Variants in VLDLR observed in about 807,000 individuals in gnomAD.
VLDLR encodes the protein very low-density lipoprotein receptor.
Under a neutral mutation model 112.7 loss-of-function variants are expected in VLDLR, and 81 were observed. The observed-to-expected ratio is 0.72, with a 90% CI of 0.60 to 0.86. The LOEUF is 0.86. Among genes scored for constraint, VLDLR ranks in the 40% least tolerant of loss-of-function variants. The pLI is 0.00. For synonymous variants in VLDLR, 436 were observed against 384.8 expected (o/e 1.13, Z -1.56); for missense variants, 1,237 against 1,099.4 (o/e 1.13, Z -1.77).
Position 2,622,090 on chromosome 9 carries a change from C to T in VLDLR, c.-100C>T. On this transcript the variant is annotated 5_prime_UTR_variant, in exon 1 of 19. Coordinates refer to ENST00000382100, the MANE Select transcript of VLDLR (RefSeq NM_003383.5). ...CCCTCCTTCTCCCCCTTTCCCCTCC[C>T]CGCCCCCACCTTCTTCCTCCTTTCG... 8.1e-7 allele frequency: 1 copy of T among 1,235,404 alleles called. No individual in the cohort carries two copies. Among genetic ancestry groups the T allele is most frequent in the Non-Finnish European group, 1.1e-6 (1 of 921,378 alleles). 76.5% of individuals were successfully genotyped at this position (1,235,404 alleles called of 1,614,324 possible).
Position 2,653,868 on chromosome 9 carries a change from ACTTCTGTG to A in VLDLR, c.*1_*8del. 1 of 1,613,864 alleles carries A rather than the reference ACTTCTGTG, an allele frequency of 6.2e-7. No homozygotes were observed. The highest frequency in any genetic ancestry group is 1.1e-5 in the South Asian group (1 of 91,064). ...TAAGCACAGATGATGATCTAGCTTG[ACTTCTGTG>A]ACAAATGTTGACCTTTGAGGTCTAA... On this transcript the variant is annotated 3_prime_UTR_variant, in exon 19 of 19. Coordinates refer to ENST00000382100, the MANE Select transcript of VLDLR (RefSeq NM_003383.5).
At chr9:2,631,027 A>G (rs909810455) in intron 1 of VLDLR, among the ~76,000 whole-genome samples, 12 of 152,248 alleles carry the variant, frequency 7.9e-5, no homozygotes, top group Admixed American at 7.2e-4. Context: ...ATTTCTCAAA[A>G]GAGGACATAA....
At chr9:2,642,108 C>A (rs1163232352) in intron 4 of VLDLR, among the ~76,000 whole-genome samples, 3 of 152,162 alleles carry the variant, frequency 2.0e-5, no homozygotes, top group South Asian at 4.1e-4. Flanking sequence ...CCTATTCTTT[C>A]ATGTTTCTGG....
At position 2,638,928 on chromosome 9, in the gene VLDLR, G is replaced by A. The variant is rs73640149; in HGVS notation, c.203-931G>A. ...AAATCTTCTCTCCCTTGAATTCTAA[G>A]TACAACATCTCTTGTTACACTGATT... On this transcript the variant is annotated intron_variant, in intron 2 of 18. Transcript: ENST00000382100. 7.3e-3 allele frequency among the ~76,000 whole-genome samples: 1,112 copies of A among 152,292 alleles called. 19 individuals are homozygous for A. The highest frequency in any genetic ancestry group is 0.025 in the African/African-American group (1,028 of 41,558).
chr9:2,641,886 G>C (rs943423629), intron 4 of VLDLR, among the ~76,000 whole-genome samples: 5 of 150,970 alleles, frequency 3.3e-5, no homozygotes, highest in Admixed American at 2.0e-4. Context: ...GTCTAAATTT[G>C]ATTGGGTTAT....
intron 1 of VLDLR, 95 bp downstream of exon 1, chr9:2,622,366 T>A (rs960218998): frequency 8.7e-7 from 1 of 1,143,984 alleles, no homozygotes; most frequent in African/African-American, 1.6e-5. Context: ...ACCCGCCTCC[T>A]AGGAGGCGCC....
intron 1 of VLDLR, among the ~76,000 whole-genome samples, chr9:2,622,586 T>A (rs1816864318): frequency 6.6e-6 from 1 of 152,208 alleles, no homozygotes; most frequent in South Asian, 2.1e-4. Context: ...CCGAGGTGCG[T>A]GGGCTTCTGA....
At chr9:2,653,053 A>T in intron 18 of VLDLR, 104 bp downstream of exon 18, 1 of 1,433,938 alleles carries the variant, frequency 7.0e-7, no homozygotes, top group Non-Finnish European at 9.8e-7. Context: ...GGAGTTACCA[A>T]ACACTTCATC....
chr9:2,623,865 T>G (rs899796926), intron 1 of VLDLR, among the ~76,000 whole-genome samples: 3 of 152,172 alleles, frequency 2.0e-5, no homozygotes, highest in Non-Finnish European at 4.4e-5. Context: ...AAGCTCTGCT[T>G]ACAAGAGTTT....
In VLDLR at chr9:2,622,203, C is replaced by T. The variant is rs993549113; in HGVS notation, c.14C>T (p.Ala5Val). The change falls in exon 1 of 19, where the codon GCG becomes GTG. Residue 5 changes from alanine (A) to valine (V), a missense_variant. By Grantham distance (64) the Ala-to-Val change is moderately conservative. Coordinates refer to ENST00000382100, the MANE Select transcript of VLDLR (RefSeq NM_003383.5). Reference protein sequence around the residue: MGTSALWALWLLLAL... With the variant: MGTSVLWALWLLLAL... ...CAGGCGGGCACCATGGGCACGTCCGCGCTCTGGGCGCTCTGGCTGCTGCTC... is the reference window on the plus strand; with the variant it reads ...CAGGCGGGCACCATGGGCACGTCCGTGCTCTGGGCGCTCTGGCTGCTGCTC... 6.5e-5 allele frequency: 97 copies of T among 1,499,138 alleles called. No homozygotes were observed. Among genetic ancestry groups the T allele is most frequent in the Non-Finnish European group, 8.4e-5 (95 of 1,130,944 alleles). 92.9% of individuals were successfully genotyped at this position (1,499,138 alleles called of 1,614,324 possible).
intron 1 of VLDLR, among the ~76,000 whole-genome samples, chr9:2,623,223 G>A (rs1816917365): frequency 6.6e-6 from 1 of 152,124 alleles, no homozygotes; most frequent in Non-Finnish European, 1.5e-5. Flanking sequence ...CTCTGCCGCG[G>A]GGGCCTGGGG....
At chr9:2,641,968 GA>G (rs57594382) in intron 4 of VLDLR, among the ~76,000 whole-genome samples, 3,742 of 106,460 alleles carry the variant, frequency 0.035, 107 homozygotes, top group African/African-American at 0.091. Context: ...AACTTTCCCA[GA>G]AAAAAAAAAA....
chr9:2,635,875 C>A (rs1448317350), intron 2 of VLDLR, among the ~76,000 whole-genome samples: 1 of 152,110 alleles, frequency 6.6e-6, no homozygotes, highest in Non-Finnish European at 1.5e-5. Context: ...CAGAAGATTG[C>A]TTAGAAGGGG....
intron 2 of VLDLR, among the ~76,000 whole-genome samples, chr9:2,637,559 C>T (rs375946380): frequency 4.7e-4 from 72 of 152,302 alleles, no homozygotes; most frequent in African/African-American, 1.6e-3. Context: ...GAGAACCATA[C>T]GGCAATTTGT....
intron 1 of VLDLR, among the ~76,000 whole-genome samples, chr9:2,624,763 T>A (rs893548277): frequency 2.6e-5 from 4 of 152,152 alleles, no homozygotes; most frequent in African/African-American, 9.7e-5. Context: ...CCAATGAAGG[T>A]ATGACGATGA....
intron 1 of VLDLR, among the ~76,000 whole-genome samples, chr9:2,629,131 T>C (rs1817227826): frequency 6.6e-6 from 1 of 152,266 alleles, no homozygotes. Flanking sequence ...CTAGACCTGC[T>C]GAATCAGAAT....
At chr9:2,649,941 T>C (rs1353154222) in intron 14 of VLDLR, among the ~76,000 whole-genome samples, 2 of 152,190 alleles carry the variant, frequency 1.3e-5, no homozygotes, top group African/African-American at 4.8e-5. Flanking sequence ...GCTGGTTCTA[T>C]CTAAATAAAG....
At chr9:2,632,556 G>A (rs1817400546) in intron 1 of VLDLR, among the ~76,000 whole-genome samples, 1 of 152,200 alleles carries the variant, frequency 6.6e-6, no homozygotes, top group South Asian at 2.1e-4. Context: ...GAAATAGACT[G>A]CAGGTCCACA....
chr9:2,648,824 G>T lies in VLDLR; in HGVS notation c.2104+14G>T, dbSNP rs1354610538. On this transcript the variant is annotated intron_variant, in intron 14 of 18. Coordinates refer to ENST00000382100, the MANE Select transcript of VLDLR (RefSeq NM_003383.5). The stretch of plus-strand genomic sequence containing the variant: ...TACAGCCATCAGGTACCGTGGAGAA[G>T]CACAGTCCTTAATAACTACTTTAAG... 6.2e-7 allele frequency: 1 copy of T among 1,614,108 alleles called. No homozygotes were observed. Among genetic ancestry groups the T allele is most frequent in the Non-Finnish European group, 8.5e-7 (1 of 1,180,000 alleles).
Sources: allele counts gnomAD v4.1 joint callset (sites outside exome capture counted in the v4.1 genomes callset), GRCh38; gene constraint gnomAD v4.1.1; transcripts MANE v1.5; gene names NCBI Gene and HGNC (gene_info 2026-07-23, HGNC 2026-07-21).